PSMF1: variants seen among roughly 807,000 people sequenced by gnomAD.
PSMF1 encodes the protein proteasome inhibitor PI31 subunit.
A neutral mutation model predicts 29.3 loss-of-function variants in PSMF1; 30 were observed. That is an observed-to-expected ratio of 1.02 (90% CI 0.77 to 1.39). The LOEUF is 1.39. Ranked by LOEUF, PSMF1 falls within the 40% of genes most tolerant of loss-of-function variation. PSMF1 has a pLI of 0.00. For synonymous variants in PSMF1, 134 were observed against 139.7 expected (o/e 0.96, Z 0.29); for missense variants, 344 against 357.5 (o/e 0.96, Z 0.31).
At chr20:1,132,930 C>A (rs1370680213) in intron 3 of PSMF1, among the ~76,000 whole-genome samples, 1 of 147,066 alleles carries the variant, frequency 6.8e-6, no homozygotes, top group Non-Finnish European at 1.5e-5. Context: ...CTCTTCTATC[C>A]TGTCACCTTG....
At chr20:1,118,110 C>T (rs2086029961), upstream of PSMF1, 1 of 152,266 alleles carries the variant, frequency 6.6e-6, no homozygotes, top group Non-Finnish European at 1.5e-5. Flanking sequence ...AGAAGCCAGA[C>T]TGCCAGGTTC....
At chr20:1,138,793 C>A (rs1410870110) in intron 4 of PSMF1, among the ~76,000 whole-genome samples, 1 of 151,840 alleles carries the variant, frequency 6.6e-6, no homozygotes, top group African/African-American at 2.4e-5. Context: ...CCACTGCACT[C>A]CAGCCTGGGC....
rs915312490 is a variant in PSMF1 at position 1,171,052 on chromosome 20, G to A, written c.*5972G>A. Among the ~76,000 whole-genome samples the A allele has an allele frequency of 1.3e-5, 2 of 152,130 alleles. No individual in the cohort carries two copies. Among genetic ancestry groups the A allele is most frequent in the Non-Finnish European group, 2.9e-5 (2 of 68,032 alleles). ...CAGACCTCACATCCTCTCTAGGTGA[G>A]GTGCATGGGTCCCTGGGCAAAACCC... On this transcript the variant is annotated 3_prime_UTR_variant, in exon 7 of 7. Coordinates refer to ENST00000335877, the MANE Select transcript of PSMF1 (RefSeq NM_006814.5).
intron 4 of PSMF1, among the ~76,000 whole-genome samples, chr20:1,150,997 A>G (rs1033333238): frequency 1.3e-5 from 2 of 152,236 alleles, no homozygotes; most frequent in Non-Finnish European, 2.9e-5. Flanking sequence ...GTCTAGCACC[A>G]TATTTTGAAA....
chr20:1,160,915 C>T, intron 4 of PSMF1: 2 of 445,108 alleles, frequency 4.5e-6, no homozygotes, highest in South Asian at 3.9e-5. Context: ...CCCCCTGAAC[C>T]CCAAGGCCAA....
At chr20:1,147,489 TGTA>T (rs756678976) in intron 4 of PSMF1, among the ~76,000 whole-genome samples, 1 of 152,238 alleles carries the variant, frequency 6.6e-6, no homozygotes, top group Non-Finnish European at 1.5e-5. Context: ...ACAAATTCAA[TGTA>T]GTGTAGACTG....
At chr20:1,148,664 G>A (rs1420975415) in intron 4 of PSMF1, among the ~76,000 whole-genome samples, 1 of 152,002 alleles carries the variant, frequency 6.6e-6, no homozygotes, top group Non-Finnish European at 1.5e-5. Context: ...ATTTCATTTT[G>A]CTAGTATGCT....
intron 4 of PSMF1, among the ~76,000 whole-genome samples, chr20:1,149,549 G>A (rs1194330036): frequency 6.6e-6 from 1 of 152,150 alleles, no homozygotes; most frequent in African/African-American, 2.4e-5. Context: ...TTGAAGTAAT[G>A]GGCTCACATC....
At chr20:1,157,165 T>C (rs544230549) in intron 4 of PSMF1, among the ~76,000 whole-genome samples, 87 of 152,292 alleles carry the variant, frequency 5.7e-4, no homozygotes, top group Non-Finnish European at 1.1e-3. Context: ...CTGCCTGCTT[T>C]ATATTCTCTG....
chr20:1,135,162 C>G lies in PSMF1; in HGVS notation c.407C>G (p.Ser136Cys). 1.2e-6 allele frequency: 2 copies of G among 1,614,190 alleles called. No homozygotes were observed. Among genetic ancestry groups the G allele is most frequent in the Non-Finnish European group, 8.5e-7 (1 of 1,180,036 alleles). The change falls in exon 4 of 7, where the codon TCT becomes TGT. Residue 136 changes from serine (S) to cysteine (C), a missense_variant. Ser to Cys is a moderately radical substitution (Grantham distance 112). Coordinates refer to ENST00000335877, the MANE Select transcript of PSMF1 (RefSeq NM_006814.5). The part of the protein sequence containing the change: ...NSEELRSRIV[S>C]GIITPIHEQW... ...GAGGAGCTTCGGTCTCGTATTGTGT[C>G]TGGAATCATCACACCTATCCATGAG...
Position 1,166,486 on chromosome 20 carries a change from G to C in PSMF1, c.*1406G>C, listed in dbSNP as rs1338677843. The stretch of plus-strand genomic sequence containing the variant: ...TGCCAGGCTGTTTTCTGTAGCCTCA[G>C]ATTGCCTATCTGCTTAGCCTGAGAA... On this transcript the variant is annotated 3_prime_UTR_variant, in exon 7 of 7. Coordinates refer to ENST00000335877, the MANE Select transcript of PSMF1 (RefSeq NM_006814.5). 3.4e-6 allele frequency: 2 copies of C among 580,076 alleles called. No individual in the cohort carries two copies. Among genetic ancestry groups the C allele is most frequent in the Non-Finnish European group, 6.2e-6 (2 of 322,856 alleles). 35.9% of individuals were successfully genotyped at this position (580,076 alleles called of 1,614,324 possible). A position where few individuals can be genotyped will look rare whatever the true frequency, so the allele number is the denominator to read the frequency against.
Position 1,165,013 on chromosome 20 carries a change from C to T in PSMF1, c.765-16C>T, listed in dbSNP as rs764489136. 2 of 1,606,320 alleles carry T rather than the reference C, an allele frequency of 1.2e-6. No individual in the cohort carries two copies. The highest frequency in any genetic ancestry group is 1.1e-5 in the South Asian group (1 of 90,908). ...TCTCCATCACTCCAACTCATCAGCC[C>T]CTCTTTCCATTCCAGACCTAACCCA... On this transcript the variant is annotated splice_polypyrimidine_tract_variant and intron_variant, in intron 6 of 6. Coordinates refer to ENST00000335877, the MANE Select transcript of PSMF1 (RefSeq NM_006814.5).
rs373800205 is a variant in PSMF1, at chr20:1,118,621, G to T, written c.-153G>T. On this transcript the variant is annotated 5_prime_UTR_variant, in exon 1 of 7. Coordinates refer to ENST00000335877, the MANE Select transcript of PSMF1 (RefSeq NM_006814.5). The stretch of plus-strand genomic sequence containing the variant: ...ACTTCCGGCTTCCCCGCCCCGCCCC[G>T]TCCCCGGGCGTCTCCATTTTGGTCT... 1.4e-4 allele frequency: 129 copies of T among 926,184 alleles called. 2 individuals are homozygous for T. In the East Asian group the frequency reaches 1.9e-3, roughly 13 times the overall value. 57.4% of individuals were successfully genotyped at this position (926,184 alleles called of 1,614,324 possible).
intron 4 of PSMF1, among the ~76,000 whole-genome samples, chr20:1,142,666 A>G (rs1383015640): frequency 6.6e-6 from 1 of 152,172 alleles, no homozygotes; most frequent in Non-Finnish European, 1.5e-5. Flanking sequence ...AATCCAGTCT[A>G]TCATTGTTGG....
intron 3 of PSMF1, among the ~76,000 whole-genome samples, chr20:1,133,648 G>A (rs1176315011): frequency 6.8e-6 from 1 of 146,068 alleles, no homozygotes; most frequent in Non-Finnish European, 1.5e-5. Flanking sequence ...GGATTGGAAC[G>A]TATTCCCTCC....
At chr20:1,155,656 A>G (rs2086585891) in intron 4 of PSMF1, among the ~76,000 whole-genome samples, 1 of 152,234 alleles carries the variant, frequency 6.6e-6, no homozygotes, top group Non-Finnish European at 1.5e-5. Flanking sequence ...TAAATAGCAT[A>G]TCAAAGACTT....
At chr20:1,159,101 A>G (rs2086633891) in intron 4 of PSMF1, among the ~76,000 whole-genome samples, 1 of 152,080 alleles carries the variant, frequency 6.6e-6, no homozygotes, top group Non-Finnish European at 1.5e-5. Flanking sequence ...AAGTGTGTAA[A>G]TAATGAGGTC....
upstream of PSMF1, chr20:1,118,505 C>T (rs2086034997): frequency 3.0e-6 from 1 of 332,432 alleles, no homozygotes; most frequent in Admixed American, 4.7e-5. Context: ...AGGGGCCACG[C>T]CCCGCTCGCA....
At chr20:1,139,637 C>T (rs1241587440) in intron 4 of PSMF1, among the ~76,000 whole-genome samples, 1 of 151,574 alleles carries the variant, frequency 6.6e-6, no homozygotes, top group African/African-American at 2.4e-5. Flanking sequence ...CCCAGCTACT[C>T]AGGAGGCTGA....
Sources: gnomAD v4.1 joint callset for allele counts (sites outside exome capture counted in the v4.1 genomes callset) on GRCh38, gnomAD v4.1.1 for gene constraint, MANE v1.5 for transcripts, NCBI Gene and HGNC (gene_info 2026-07-23, HGNC 2026-07-21) for gene names.